KLHL1: variants seen among roughly 807,000 people sequenced by gnomAD.
KLHL1 encodes kelch-like protein 1.
Under a neutral mutation model 77.7 loss-of-function variants are expected in KLHL1, and 47 were observed. The ratio of observed to expected loss-of-function variants is 0.60; its 90% CI spans 0.48 to 0.77. The LOEUF (loss-of-function observed/expected upper bound fraction) is 0.77. Ranked by LOEUF, KLHL1 falls within the 30% of genes least tolerant of loss-of-function variation. The pLI, the probability that KLHL1 is intolerant of heterozygous loss-of-function variation, is 0.00. For synonymous variants in KLHL1, 360 were observed against 325.2 expected (o/e 1.11, Z -1.15); for missense variants, 925 against 910.8 (o/e 1.02, Z -0.20).
chr13:70,009,729 C>T (rs1410287436), intron 1 of KLHL1, among the ~76,000 whole-genome samples: 1 of 152,126 alleles, frequency 6.6e-6, no homozygotes, highest in African/African-American at 2.4e-5. Flanking sequence ...TATTTCATTG[C>T]TATTCATTAA....
rs142576245 is a variant in KLHL1, at chr13:70,008,212, T to C, written c.498-32410A>G. 2.6e-5 allele frequency among the ~76,000 whole-genome samples: 4 copies of C among 152,166 alleles called. No individual in the cohort carries two copies. The East Asian group carries it at 5.8e-4, about 22-fold the overall frequency. On this transcript the variant is annotated intron_variant, in intron 1 of 10. Coordinates refer to ENST00000377844, the MANE Select transcript of KLHL1 (RefSeq NM_020866.3). ...TGTAAGGAAAATCAGGTTGTCATAA[T>C]AGTATTTATAGGTTTCTTTTGGAAT...
intron 1 of KLHL1, among the ~76,000 whole-genome samples, chr13:70,045,730 T>C (rs566011938): frequency 2.6e-5 from 4 of 152,148 alleles, no homozygotes; most frequent in Non-Finnish European, 5.9e-5. Flanking sequence ...TAAAGGACAT[T>C]CCTGTAACAC....
chr13:69,855,847 T>C (rs1483700983), intron 5 of KLHL1, among the ~76,000 whole-genome samples: 1 of 128,978 alleles, frequency 7.8e-6, no homozygotes, highest in African/African-American at 3.2e-5. Flanking sequence ...TACGGTATTA[T>C]ATATGTTATA....
In KLHL1 at chr13:69,746,475, C is replaced by G. The variant is rs1448580832; in HGVS notation, c.1640-5919G>C. On this transcript the variant is annotated intron_variant, in intron 7 of 10. Transcript: ENST00000377844. ...AACTCTGATTTATCTAATTAATCAG[C>G]TACACTAAGGTTCTTTCGGTTACAA... 5.3e-5 allele frequency among the ~76,000 whole-genome samples: 8 copies of G among 152,104 alleles called. No individual in the cohort carries two copies. In the South Asian group the frequency reaches 1.0e-3, roughly 20 times the overall value.
At chr13:69,888,009 G>T (rs1407042155) in intron 4 of KLHL1, among the ~76,000 whole-genome samples, 3 of 152,160 alleles carry the variant, frequency 2.0e-5, no homozygotes, top group African/African-American at 4.8e-5. Flanking sequence ...TCTTAGACTG[G>T]ATAATTTATA....
Position 69,737,403 on chromosome 13 carries a change from C to T in KLHL1, c.1802+2991G>A, listed in dbSNP as rs1256125276. Reference sequence around the variant, plus strand: ...GCCAGGGAGCCAAGTGGCCTCGCTCCCACGGAACCCCACAAGCTAAAACGT... The same window carrying T: ...GCCAGGGAGCCAAGTGGCCTCGCTCTCACGGAACCCCACAAGCTAAAACGT... On this transcript the variant is annotated intron_variant, in intron 8 of 10. Transcript: ENST00000377844. Among the ~76,000 whole-genome samples, 5 of 152,242 alleles carry T rather than the reference C, an allele frequency of 3.3e-5. No individual in the cohort carries two copies. In the East Asian group the frequency reaches 9.7e-4, roughly 29 times the overall value.
At chr13:69,956,246 C>T (rs2137262821) in intron 3 of KLHL1, among the ~76,000 whole-genome samples, 1 of 147,974 alleles carries the variant, frequency 6.8e-6, no homozygotes, top group South Asian at 2.1e-4. Flanking sequence ...GTATTTAGTG[C>T]TAAATTTGAA....
intron 6 of KLHL1, among the ~76,000 whole-genome samples, chr13:69,836,610 A>ACT (rs1671090398): frequency 6.6e-6 from 1 of 152,028 alleles, no homozygotes; most frequent in Non-Finnish European, 1.5e-5. Context: ...ATTTTCTGTT[A>ACT]CTCTAAGTGT....
chr13:69,926,569 G>T (rs1882820258), intron 4 of KLHL1, among the ~76,000 whole-genome samples: 1 of 151,930 alleles, frequency 6.6e-6, no homozygotes, highest in Non-Finnish European at 1.5e-5. Context: ...ATCCTAGCTG[G>T]CTATTTGCAG....
chr13:69,974,511 A>T (rs2210443), intron 2 of KLHL1, among the ~76,000 whole-genome samples: 1 of 151,396 alleles, frequency 6.6e-6, no homozygotes, highest in Non-Finnish European at 1.5e-5. Flanking sequence ...TTCAAATGAA[A>T]AAGAAAATGT....
In KLHL1 at chr13:69,940,156, C is replaced by G. The variant is rs779688548; in HGVS notation, c.898G>C (p.Val300Leu). ...AGCTTCATGAGGAAGTGGCAGCACA[C>G]TTCCACCACCTGTGGAAGCTGAAGA... The part of the protein sequence containing the change: ...CLLQLPQVVE[V>L]CCHFLMKLLH... The change falls in exon 4 of 11, where the codon GTG (valine) becomes CTG (leucine). Residue 300 changes from valine (V) to leucine (L), a missense_variant. Val to Leu is a conservative substitution (Grantham distance 32). Transcript: ENST00000377844. The G allele has an allele frequency of 6.2e-7, 1 of 1,612,764 alleles. No individual in the cohort carries two copies. Among genetic ancestry groups the G allele is most frequent in the Non-Finnish European group, 8.5e-7 (1 of 1,179,500 alleles).
chr13:69,767,683 T>G (rs2137976344), intron 7 of KLHL1, among the ~76,000 whole-genome samples: 1 of 152,338 alleles, frequency 6.6e-6, no homozygotes. Context: ...CTAGAATACC[T>G]TTGAGAGCTT....
At chr13:69,705,334 T>G (rs1875574930) in intron 10 of KLHL1, among the ~76,000 whole-genome samples, 1 of 151,742 alleles carries the variant, frequency 6.6e-6, no homozygotes, top group Non-Finnish European at 1.5e-5. Flanking sequence ...GTATGCATTC[T>G]CTGTAAAACA....
chr13:69,874,591 T>C (rs1880699292), intron 5 of KLHL1, among the ~76,000 whole-genome samples: 1 of 152,176 alleles, frequency 6.6e-6, no homozygotes, highest in Non-Finnish European at 1.5e-5. Flanking sequence ...TATATTAATG[T>C]CATCATTTTA....
intron 5 of KLHL1, among the ~76,000 whole-genome samples, chr13:69,875,888 A>G (rs1022958868): frequency 6.6e-6 from 1 of 151,970 alleles, no homozygotes; most frequent in Non-Finnish European, 1.5e-5. Context: ...CTAGCTTTGT[A>G]GAGAAGACTA....
At chr13:69,848,782 T>C (rs1879570623) in intron 5 of KLHL1, among the ~76,000 whole-genome samples, 1 of 151,494 alleles carries the variant, frequency 6.6e-6, no homozygotes, top group African/African-American at 2.4e-5. Context: ...AAATAGTTGA[T>C]TGCCTTAACA....
intron 3 of KLHL1, among the ~76,000 whole-genome samples, chr13:69,946,113 A>C (rs1883516841): frequency 6.6e-6 from 1 of 152,192 alleles, no homozygotes; most frequent in Admixed American, 6.5e-5. Context: ...TTAACTTCAA[A>C]ATTCTTGAAA....
intron 1 of KLHL1, among the ~76,000 whole-genome samples, chr13:70,047,983 T>G (rs913993603): frequency 3.3e-5 from 5 of 152,158 alleles, no homozygotes; most frequent in African/African-American, 1.2e-4. Flanking sequence ...AAATAAGTCA[T>G]TGATGAGATA....
chr13:69,758,715 T>G (rs1016168151), intron 7 of KLHL1, among the ~76,000 whole-genome samples: 50 of 152,138 alleles, frequency 3.3e-4, no homozygotes, highest in Admixed American at 6.6e-5. Flanking sequence ...TCTCGTAATT[T>G]TTTAAGAAAG....
Sources: allele counts gnomAD v4.1 joint callset (sites outside exome capture counted in the v4.1 genomes callset), GRCh38; gene constraint gnomAD v4.1.1; transcripts MANE v1.5; gene names NCBI Gene and HGNC (gene_info 2026-07-23, HGNC 2026-07-21).